ABCC1: variants seen among roughly 807,000 people sequenced by gnomAD.
ABCC1 encodes the protein multidrug resistance-associated protein 1.
ABCC1 carries 83 observed loss-of-function variants against 172.9 expected under a neutral mutation model. That is an observed-to-expected ratio of 0.48 (90% CI 0.40 to 0.58). The LOEUF (loss-of-function observed/expected upper bound fraction) is 0.58. ABCC1 is among the 20% of genes least tolerant of loss of function. The pLI, the probability that ABCC1 is intolerant of heterozygous loss-of-function variation, is 0.00. For missense variants in ABCC1, 1,817 were observed against 2,002.7 expected, an observed-to-expected ratio of 0.91 and a Z score of 1.77; for synonymous variants, 937 against 825.2, an observed-to-expected ratio of 1.14 and a Z score of -2.32.
intron 27 of ABCC1, among the ~76,000 whole-genome samples, chr16:16,133,018 C>T (rs1176716375): frequency 1.3e-5 from 2 of 152,126 alleles, no homozygotes; most frequent in African/African-American, 4.8e-5. Flanking sequence ...GCCTAGTTGG[C>T]CCCTCCAAAA....
At position 16,142,366 on chromosome 16, in the gene ABCC1, A is replaced by C. The variant is rs1364449582; in HGVS notation, c.*1085A>C. Reference sequence around the variant, plus strand: ...TTACCACCTCTTTTCTTTCCCTCTCATGGTACCTGCTCATGGTTATGAAGC... The same window carrying C: ...TTACCACCTCTTTTCTTTCCCTCTCCTGGTACCTGCTCATGGTTATGAAGC... On this transcript the variant is annotated 3_prime_UTR_variant, in exon 31 of 31. Transcript: ENST00000399410. The C allele has an allele frequency of 6.6e-6, 1 of 152,124 alleles. No individual in the cohort carries two copies. Among genetic ancestry groups the C allele is most frequent in the African/African-American group, 2.4e-5 (1 of 41,406 alleles). The allele number at this position is 152,124 out of a possible 1,614,324, so 9.4% of individuals were successfully genotyped here.
rs768426028 is a variant in ABCC1 at position 16,134,467 on chromosome 16, G to A, written c.4084G>A (p.Gly1362Ser). The A allele has an allele frequency of 2.5e-6, 4 of 1,614,088 alleles. No individual in the cohort carries two copies. The highest frequency in any genetic ancestry group is 1.7e-6 in the Non-Finnish European group (2 of 1,180,012). ...IIDGINIAKI[G>S]LHDLRFKITI... ...CGATGGCATCAACATCGCCAAGATC[G>A]GCCTGCACGACCTCCGCTTCAAGAT... Residue 1362 changes from glycine to serine, a missense_variant, in exon 28 of 31, where the codon GGC becomes AGC. Gly to Ser is a moderately conservative substitution (Grantham distance 56). Around this residue, in one of 3 missense-constraint regions of ABCC1, gnomAD observed 1,412 missense variants for 1,600.3 expected, o/e 0.88. Coordinates refer to ENST00000399410, the MANE Select transcript of ABCC1 (RefSeq NM_004996.4).
In ABCC1 at chr16:16,121,973, A is replaced by G. The variant is rs376453042; in HGVS notation, c.3391-2A>G. 1.2e-6 allele frequency: 2 copies of G among 1,614,016 alleles called. No homozygotes were observed. The highest frequency in any genetic ancestry group is 1.7e-6 in the Non-Finnish European group (2 of 1,180,008). Reference sequence around the variant, plus strand: ...ACTCCCCGCGTCTGTTCTCTACCCCAGAGGTTCTACGTGGCTTCCTCCCGG... The same window carrying G: ...ACTCCCCGCGTCTGTTCTCTACCCCGGAGGTTCTACGTGGCTTCCTCCCGG... On this transcript the variant is annotated splice_acceptor_variant, in intron 23 of 30. Transcript: ENST00000399410. LOFTEE classifies it high-confidence loss of function.
Position 16,045,914 on chromosome 16 carries a change from T to C in ABCC1, c.1119T>C (p.Thr373=). 6.2e-7 allele frequency: 1 copy of C among 1,614,196 alleles called. No individual in the cohort carries two copies. The highest frequency in any genetic ancestry group is 8.5e-7 in the Non-Finnish European group (1 of 1,180,032). ...TCTACACCGTGCTGCTGTTTGTCAC[T>C]GCCTGCCTGCAGACCCTCGTGCTGC... The part of the protein sequence containing the change: ...GYFYTVLLFV[T]ACLQTLVLHQ... Residue 373 remains threonine, a synonymous_variant, in exon 9 of 31, where the codon ACT becomes ACC. Transcript: ENST00000399410.
chr16:16,127,150 C>A (rs530164405), intron 26 of ABCC1, among the ~76,000 whole-genome samples: 1 of 152,194 alleles, frequency 6.6e-6, no homozygotes, highest in Non-Finnish European at 1.5e-5. Flanking sequence ...CAGGGACACA[C>A]ATAGTGCCTT....
At chr16:16,044,264 G>T (rs113576186) in intron 7 of ABCC1, among the ~76,000 whole-genome samples, 186 bp from the exon 8 acceptor site, 1 of 152,166 alleles carries the variant, frequency 6.6e-6, no homozygotes, top group Non-Finnish European at 1.5e-5. Flanking sequence ...ACCTTGAGCC[G>T]GTGGCTCTGG....
At chr16:15,958,369 C>G (rs1396039667) in intron 1 of ABCC1, among the ~76,000 whole-genome samples, 1 of 151,478 alleles carries the variant, frequency 6.6e-6, no homozygotes, top group Non-Finnish European at 1.5e-5. Context: ...CTCAGCCTCC[C>G]AAAGTGCTGG....
chr16:16,003,223 AG>A (rs932690024), intron 1 of ABCC1, among the ~76,000 whole-genome samples: 9 of 144,616 alleles, frequency 6.2e-5, no homozygotes, highest in Non-Finnish European at 1.1e-4. Context: ...GTGGATGGGT[AG>A]GTGGATGGAT....
At chr16:15,991,911 G>A (rs981596398) in intron 1 of ABCC1, among the ~76,000 whole-genome samples, 10 of 152,042 alleles carry the variant, frequency 6.6e-5, no homozygotes, top group African/African-American at 1.4e-4. Flanking sequence ...CCCAGAGCAC[G>A]GACTGGCACC....
At chr16:16,006,389 G>T (rs1367142614) in intron 1 of ABCC1, among the ~76,000 whole-genome samples, 1 of 151,448 alleles carries the variant, frequency 6.6e-6, no homozygotes, top group African/African-American at 2.4e-5. Context: ...CCACACTTCA[G>T]CCTGGGCAAC....
At chr16:15,980,231 A>T (rs2046589650) in intron 1 of ABCC1, among the ~76,000 whole-genome samples, 1 of 152,120 alleles carries the variant, frequency 6.6e-6, no homozygotes, top group African/African-American at 2.4e-5. Context: ...TTGGCCAGGC[A>T]TGGTGGCTTC....
chr16:16,110,130 A>C (rs6498600), intron 21 of ABCC1, among the ~76,000 whole-genome samples: 1 of 150,414 alleles, frequency 6.6e-6, no homozygotes, highest in Non-Finnish European at 1.5e-5. Context: ...CCTGGAGGCA[A>C]TGTCTCCCTC....
At chr16:15,965,782 A>G (rs1055339551) in intron 1 of ABCC1, among the ~76,000 whole-genome samples, 64 of 150,982 alleles carry the variant, frequency 4.2e-4, no homozygotes, top group African/African-American at 1.5e-3. Context: ...TTTTCAGTAG[A>G]GATGGGGTTT....
intron 5 of ABCC1, among the ~76,000 whole-genome samples, chr16:16,017,909 G>C (rs925580438): frequency 1.3e-5 from 2 of 152,162 alleles, no homozygotes; most frequent in Non-Finnish European, 2.9e-5. Flanking sequence ...GGGCCCTGGG[G>C]TGGGGAGGTG....
intron 1 of ABCC1, among the ~76,000 whole-genome samples, chr16:15,992,265 A>G (rs372052896): frequency 1.3e-5 from 2 of 152,210 alleles, no homozygotes; most frequent in South Asian, 4.1e-4. Context: ...GAGTTGTATA[A>G]TTATTTCATT....
intron 19 of ABCC1, among the ~76,000 whole-genome samples, chr16:16,092,873 C>T (rs911000974): frequency 6.6e-5 from 10 of 152,122 alleles, no homozygotes; most frequent in East Asian, 1.9e-4. Flanking sequence ...CCTGTAGTCC[C>T]GGCTATTCGG....
chr16:16,119,364 C>T (rs964855753), intron 23 of ABCC1, among the ~76,000 whole-genome samples: 1 of 152,098 alleles, frequency 6.6e-6, no homozygotes. Context: ...TCACTTGAGC[C>T]TCGGAGGCGG....
At chr16:16,104,517 C>G (rs1284716404) in intron 20 of ABCC1, among the ~76,000 whole-genome samples, 1 of 152,078 alleles carries the variant, frequency 6.6e-6, no homozygotes, top group Non-Finnish European at 1.5e-5. Flanking sequence ...GAGCTAGATA[C>G]AGAGTGCTGA....
At position 16,106,668 on chromosome 16, in the gene ABCC1, C is replaced by T. The variant is rs28363995; in HGVS notation, c.2736-70C>T. 245 of 1,598,454 alleles carry T rather than the reference C, an allele frequency of 1.5e-4. No homozygotes were observed. In the African/African-American group the frequency reaches 2.3e-3, roughly 15 times the overall value. Reference sequence around the variant, plus strand: ...ATGGTTCAGACCCACAATAGCAGTCCCAGCAGGGAGCCCTCCGACCCTGCC... The same window carrying T: ...ATGGTTCAGACCCACAATAGCAGTCTCAGCAGGGAGCCCTCCGACCCTGCC... On this transcript the variant is annotated intron_variant, in intron 20 of 30. Coordinates refer to ENST00000399410, the MANE Select transcript of ABCC1 (RefSeq NM_004996.4).
Sources: gnomAD v4.1 joint callset for allele counts (sites outside exome capture counted in the v4.1 genomes callset) on GRCh38, gnomAD v4.1.1 for gene constraint, gnomAD v4.1.1 regional missense constraint, MANE v1.5 for transcripts, NCBI Gene and HGNC (gene_info 2026-07-23, HGNC 2026-07-21) for gene names.